Variants in AP1AR observed in about 807,000 individuals in gnomAD.
The protein encoded by AP1AR is adaptor related protein complex 1 associated regulatory protein, also known as AP-1 complex-associated regulatory protein.
AP1AR carries 29 observed loss-of-function variants against 46.3 expected under a neutral mutation model. That is an observed-to-expected ratio of 0.63 (90% CI 0.47 to 0.85). The LOEUF (loss-of-function observed/expected upper bound fraction) is 0.85, where lower values mean the gene tolerates loss of function less well. Ranked by LOEUF, AP1AR falls within the 40% of genes least tolerant of loss-of-function variation. The pLI is 0.00. For missense variants in AP1AR, 357 were observed against 356.3 expected (o/e 1.00, Z -0.02); for synonymous variants, 122 against 122.9 (o/e 0.99, Z 0.05).
intron 3 of AP1AR, 74 bp from the exon 4 acceptor site, chr4:112,257,698 A>C (rs1726254450): frequency 1.7e-6 from 2 of 1,200,556 alleles, no homozygotes; most frequent in Non-Finnish European, 2.3e-6. Context: ...AGATTAAATA[A>C]AAATTGTATT....
chr4:112,260,759 T>A lies in AP1AR; in HGVS notation c.186-7T>A, dbSNP rs758869023. 6.4e-7 allele frequency: 1 copy of A among 1,555,002 alleles called. No individual in the cohort carries two copies. Among genetic ancestry groups the A allele is most frequent in the South Asian group, 1.2e-5 (1 of 80,854 alleles). ...TTTCTTTTTCTCCTCCTCCTTTTTT[T>A]CTCTAGGCCTCTTACTGAGGAAGAA... On this transcript the variant is annotated splice_polypyrimidine_tract_variant and splice_region_variant and intron_variant, in intron 4 of 9. Transcript: ENST00000274000.
intron 4 of AP1AR, among the ~76,000 whole-genome samples, chr4:112,258,679 T>C (rs1726308733): frequency 6.6e-6 from 1 of 152,148 alleles, no homozygotes; most frequent in South Asian, 2.1e-4. Context: ...AGAGAATTGA[T>C]TGTAAAGGGG....
chr4:112,248,454 A>G (rs1725812918), intron 1 of AP1AR, among the ~76,000 whole-genome samples: 1 of 152,220 alleles, frequency 6.6e-6, no homozygotes, highest in African/African-American at 2.4e-5. Context: ...TTAATTAAAG[A>G]TGCAAATTGA....
chr4:112,233,043 T>A (rs1239663534), intron 1 of AP1AR, among the ~76,000 whole-genome samples: 2 of 152,244 alleles, frequency 1.3e-5, no homozygotes, highest in African/African-American at 4.8e-5. Flanking sequence ...CCCTCCGGAA[T>A]TCAAACCTAG....
intron 1 of AP1AR, among the ~76,000 whole-genome samples, chr4:112,248,032 T>C (rs867337050): frequency 6.6e-6 from 1 of 152,206 alleles, no homozygotes; most frequent in African/African-American, 2.4e-5. Context: ...TGAAGCATTC[T>C]TGCCTAAAAA....
At chr4:112,237,630 T>C (rs867904429) in intron 1 of AP1AR, among the ~76,000 whole-genome samples, 9 of 151,942 alleles carry the variant, frequency 5.9e-5, no homozygotes, top group Non-Finnish European at 1.3e-4. Flanking sequence ...AATTTTTGTA[T>C]TTTTTGTAGA....
In AP1AR at chr4:112,270,809, T is replaced by A. The variant is rs1350819082; in HGVS notation, c.*2400T>A. ...AAGACCTTGTAGACCAAGAATGAGT[T>A]TTATTTGATGTGTAATAGAAAGCCA... On this transcript the variant is annotated 3_prime_UTR_variant, in exon 10 of 10. Transcript: ENST00000274000. 6.6e-6 allele frequency among the ~76,000 whole-genome samples: 1 copy of A among 152,170 alleles called. No individual in the cohort carries two copies. Among genetic ancestry groups the A allele is most frequent in the Non-Finnish European group, 1.5e-5 (1 of 68,024 alleles).
intron 1 of AP1AR, among the ~76,000 whole-genome samples, chr4:112,240,685 A>T (rs1725454935): frequency 6.6e-6 from 1 of 152,168 alleles, no homozygotes; most frequent in Admixed American, 6.5e-5. Context: ...GGCCTGGCTC[A>T]TTCCTCGGCC....
chr4:112,235,373 T>G (rs1388445570), intron 1 of AP1AR, among the ~76,000 whole-genome samples: 1 of 152,258 alleles, frequency 6.6e-6, no homozygotes, highest in African/African-American at 2.4e-5. Flanking sequence ...AACTAGTTTT[T>G]ATAGAAAGGT....
chr4:112,259,675 C>A (rs1726355836), intron 4 of AP1AR, among the ~76,000 whole-genome samples: 1 of 151,976 alleles, frequency 6.6e-6, no homozygotes, highest in African/African-American at 2.4e-5. Flanking sequence ...GAGGTGCAAA[C>A]AGACAAAAGG....
At chr4:112,263,686 C>A (rs915415309) in intron 6 of AP1AR, among the ~76,000 whole-genome samples, 4 of 152,128 alleles carry the variant, frequency 2.6e-5, no homozygotes, top group African/African-American at 9.7e-5. Context: ...TAATGCCTGG[C>A]AGCTGTAAGT....
At position 112,272,390 on chromosome 4, in the gene AP1AR, C is replaced by T. The variant is rs6829062; in HGVS notation, c.*3981C>T. 0.58 allele frequency among the ~76,000 whole-genome samples: 87,170 copies of T among 151,374 alleles called. 26,046 individuals carry two copies. The highest frequency in any genetic ancestry group is 0.75 in the African/African-American group (30,976 of 41,228). ...GCCTTCCTCTGGGGGCATGACCAGACATGCGCAGTAAGGGGCAAAATGACA... is the reference window on the plus strand; with the variant it reads ...GCCTTCCTCTGGGGGCATGACCAGATATGCGCAGTAAGGGGCAAAATGACA... On this transcript the variant is annotated 3_prime_UTR_variant, in exon 10 of 10. Coordinates refer to ENST00000274000, the MANE Select transcript of AP1AR (RefSeq NM_018569.6).
At chr4:112,234,148 C>T (rs922726688) in intron 1 of AP1AR, among the ~76,000 whole-genome samples, 3 of 152,192 alleles carry the variant, frequency 2.0e-5, no homozygotes, top group African/African-American at 7.2e-5. Context: ...CATGAGCCAC[C>T]GCGCCCGGCC....
Position 112,268,431 on chromosome 4 carries a change from T to G in AP1AR, c.*22T>G, listed in dbSNP as rs773033389. 20 of 1,557,054 alleles carry G rather than the reference T, an allele frequency of 1.3e-5. No homozygotes were observed. Among genetic ancestry groups the G allele is most frequent in the Non-Finnish European group, 1.7e-5 (20 of 1,151,636 alleles). The stretch of plus-strand genomic sequence containing the variant: ...ATAGGGTAAAATTGTGTGACCTTGT[T>G]TATCAGTTATGACCAAATGTTAAAA... On this transcript the variant is annotated 3_prime_UTR_variant, in exon 10 of 10. Transcript: ENST00000274000.
chr4:112,250,890 A>AT (rs1725932698), intron 1 of AP1AR, among the ~76,000 whole-genome samples: 2 of 152,072 alleles, frequency 1.3e-5, no homozygotes, highest in Admixed American at 1.3e-4. Context: ...CTCCCTTGTC[A>AT]TATCACTTAT....
chr4:112,266,470 T>G, intron 8 of AP1AR, 118 bp from the exon 9 acceptor site: 3 of 1,007,878 alleles, frequency 3.0e-6, no homozygotes, highest in Non-Finnish European at 4.3e-6. Context: ...AATTATTTCT[T>G]ATGAAGCTAA....
chr4:112,237,919 G>C (rs538022526), intron 1 of AP1AR, among the ~76,000 whole-genome samples: 1 of 152,282 alleles, frequency 6.6e-6, no homozygotes, highest in Non-Finnish European at 1.5e-5. Flanking sequence ...TCTATATCAA[G>C]GGTTGGCAAA....
chr4:112,257,886 T>TCAA (rs1297633593), intron 4 of AP1AR, 89 bp downstream of exon 4: 25 of 1,161,828 alleles, frequency 2.2e-5, no homozygotes, highest in African/African-American at 1.5e-4. Context: ...ATTTGCTTGC[T>TCAA]TTGAGACATT....
intron 3 of AP1AR, among the ~76,000 whole-genome samples, chr4:112,257,296 T>G (rs1726238947): frequency 6.6e-6 from 1 of 152,158 alleles, no homozygotes; most frequent in African/African-American, 2.4e-5. Flanking sequence ...AACTCAAAAT[T>G]TTTACTGCTC....
Sources: gnomAD v4.1 joint callset for allele counts (sites outside exome capture counted in the v4.1 genomes callset) on GRCh38, gnomAD v4.1.1 for gene constraint, MANE v1.5 for transcripts, NCBI Gene and HGNC (gene_info 2026-07-23, HGNC 2026-07-21) for gene names.